Variants in EFNA5 observed in about 807,000 individuals in gnomAD.
EFNA5 encodes the protein ephrin-A5.
Under a neutral mutation model 22.9 loss-of-function variants are expected in EFNA5, and 5 were observed. The ratio of observed to expected loss-of-function variants is 0.22; its 90% CI spans 0.11 to 0.46. The LOEUF (loss-of-function observed/expected upper bound fraction) is 0.46. Among genes scored for constraint, EFNA5 ranks in the 20% least tolerant of loss-of-function variants. The pLI is 0.99. For synonymous variants in EFNA5, 113 were observed against 112.2 expected, an observed-to-expected ratio of 1.01 and a Z score of -0.04; for missense variants, 237 against 293.3, an observed-to-expected ratio of 0.81 and a Z score of 1.40.
chr5:107,391,924 A>C (rs1274372339), intron 2 of EFNA5, among the ~76,000 whole-genome samples: 2 of 152,202 alleles, frequency 1.3e-5, no homozygotes. Context: ...GACCTCAGAC[A>C]GGGGCTCTAA....
At chr5:107,612,347 T>G (rs901631081) in intron 1 of EFNA5, among the ~76,000 whole-genome samples, 4 of 152,138 alleles carry the variant, frequency 2.6e-5, no homozygotes, top group Non-Finnish European at 4.4e-5. Context: ...TTGAGGAATG[T>G]CAGGTAAGAC....
intron 2 of EFNA5, among the ~76,000 whole-genome samples, chr5:107,399,448 G>A (rs950195564): frequency 2.6e-5 from 4 of 152,028 alleles, no homozygotes; most frequent in Non-Finnish European, 5.9e-5. Context: ...GGGAACGTGG[G>A]CATCTTTAGA....
chr5:107,587,518 T>C (rs895268384), intron 1 of EFNA5, among the ~76,000 whole-genome samples: 3 of 149,796 alleles, frequency 2.0e-5, no homozygotes. Context: ...CCTATAGTTT[T>C]TGTTGTTGTT....
At chr5:107,643,823 T>C (rs1410162497) in intron 1 of EFNA5, among the ~76,000 whole-genome samples, 1 of 151,954 alleles carries the variant, frequency 6.6e-6, no homozygotes, top group East Asian at 1.9e-4. Flanking sequence ...CCAAAGGTAT[T>C]TCCCCCCTCA....
At position 107,601,000 on chromosome 5, in the gene EFNA5, T is replaced by C. The variant is rs78226393; in HGVS notation, c.125+69489A>G. On this transcript the variant is annotated intron_variant, in intron 1 of 4. Coordinates refer to ENST00000333274, the MANE Select transcript of EFNA5 (RefSeq NM_001962.3). ...AAGCTGAGACAAGCAATGATCAAGTTCTTGTTACCTTCAAACCTGGTAAAT... is the reference window on the plus strand; with the variant it reads ...AAGCTGAGACAAGCAATGATCAAGTCCTTGTTACCTTCAAACCTGGTAAAT... Among the ~76,000 whole-genome samples, 596 of 152,296 alleles carry C rather than the reference T, an allele frequency of 3.9e-3. 3 individuals are homozygous for C. Among genetic ancestry groups the C allele is most frequent in the Middle Eastern group, 6.8e-3 (2 of 294 alleles).
rs549545025 is a variant in EFNA5, at chr5:107,636,149, A to G, written c.125+34340T>C. On this transcript the variant is annotated intron_variant, in intron 1 of 4. Coordinates refer to ENST00000333274, the MANE Select transcript of EFNA5 (RefSeq NM_001962.3). ...AGTAATAAAACTACCATGAAAACAT[A>G]TTTTATATATGTGTGTGTACATAAA... Among the ~76,000 whole-genome samples the G allele has an allele frequency of 1.1e-4, 17 of 152,294 alleles. No homozygotes were observed. In the South Asian group the frequency reaches 1.4e-3, roughly 13 times the overall value.
At chr5:107,427,638 T>C (rs1430041738) in intron 1 of EFNA5, 129 bp from the exon 2 acceptor site, 6 of 794,528 alleles carry the variant, frequency 7.6e-6, no homozygotes, top group Non-Finnish European at 1.1e-5. Context: ...CTGAATGCCA[T>C]TATGATTTGG....
At chr5:107,463,973 G>A (rs1344955658) in intron 1 of EFNA5, among the ~76,000 whole-genome samples, 2 of 152,156 alleles carry the variant, frequency 1.3e-5, no homozygotes, top group African/African-American at 4.8e-5. Flanking sequence ...TACTCTGTAT[G>A]ACAGCAGCAT....
At chr5:107,492,992 CAA>C (rs34294325) in intron 1 of EFNA5, among the ~76,000 whole-genome samples, 55 of 99,364 alleles carry the variant, frequency 5.5e-4, no homozygotes, top group South Asian at 5.3e-3. Context: ...GACTCCATCT[CAA>C]AAAAAAAAAA....
intron 1 of EFNA5, among the ~76,000 whole-genome samples, chr5:107,525,248 C>T (rs1417179452): frequency 6.6e-6 from 1 of 151,848 alleles, no homozygotes; most frequent in Admixed American, 6.5e-5. Context: ...CAGTTCTTGG[C>T]ACATACAGTT....
intron 1 of EFNA5, among the ~76,000 whole-genome samples, chr5:107,524,624 A>C (rs1361450821): frequency 6.6e-6 from 1 of 152,218 alleles, no homozygotes; most frequent in African/African-American, 2.4e-5. Context: ...AAAACTGTGA[A>C]GTTATTTGCT....
chr5:107,571,714 T>C (rs768431179), intron 1 of EFNA5, among the ~76,000 whole-genome samples: 7 of 152,124 alleles, frequency 4.6e-5, no homozygotes, highest in Non-Finnish European at 1.0e-4. Context: ...TCCTGTCGCA[T>C]ACCCACTGGC....
intron 1 of EFNA5, among the ~76,000 whole-genome samples, chr5:107,664,677 T>C (rs932537805): frequency 2.0e-5 from 3 of 152,166 alleles, no homozygotes; most frequent in East Asian, 3.9e-4. Context: ...TCACAAATGA[T>C]CAAAGGGCAA....
chr5:107,569,565 A>ATATATGTGTG (rs1748745761), intron 1 of EFNA5, among the ~76,000 whole-genome samples: 1 of 21,776 alleles, frequency 4.6e-5, no homozygotes, highest in Non-Finnish European at 1.5e-4. Context: ...ATATTTATAT[A>ATATATGTGTG]TATATATATA....
At chr5:107,444,575 A>C (rs768175958) in intron 1 of EFNA5, among the ~76,000 whole-genome samples, 9 of 152,256 alleles carry the variant, frequency 5.9e-5, no homozygotes, top group Non-Finnish European at 1.0e-4. Context: ...TCTCTTTTCA[A>C]TTTTAAATAG....
At chr5:107,608,807 G>C (rs1454959583) in intron 1 of EFNA5, among the ~76,000 whole-genome samples, 5 of 152,184 alleles carry the variant, frequency 3.3e-5, no homozygotes. Context: ...AAGCAGGCTG[G>C]TCCCAACGCT....
chr5:107,636,438 AGATT>A (rs1000397262), intron 1 of EFNA5, among the ~76,000 whole-genome samples: 14 of 152,234 alleles, frequency 9.2e-5, no homozygotes, highest in Admixed American at 3.9e-4. Flanking sequence ...CATCCTTTAT[AGATT>A]AATAATCCAA....
chr5:107,600,866 T>A (rs1749577656), intron 1 of EFNA5, among the ~76,000 whole-genome samples: 2 of 152,084 alleles, frequency 1.3e-5, no homozygotes, highest in African/African-American at 4.8e-5. Flanking sequence ...CCTCACCCCG[T>A]GAAAAGCTGA....
Position 107,670,638 on chromosome 5 carries a change from C to G in EFNA5, c.-25G>C. ...TCACGCCTGGCCAGCGGCGGAGCCC[C>G]CGACGCGCCACTCCGGGGAGAGAGC... On this transcript the variant is annotated 5_prime_UTR_variant, in exon 1 of 5. Transcript: ENST00000333274. The G allele has an allele frequency of 6.3e-7, 1 of 1,596,206 alleles. No homozygotes were observed. Among genetic ancestry groups the G allele is most frequent in the Non-Finnish European group, 8.5e-7 (1 of 1,172,194 alleles).
Sources: gnomAD v4.1 joint callset for allele counts (sites outside exome capture counted in the v4.1 genomes callset) on GRCh38, gnomAD v4.1.1 for gene constraint, MANE v1.5 for transcripts, NCBI Gene and HGNC (gene_info 2026-07-23, HGNC 2026-07-21) for gene names.